The following FER variants were observed in gnomAD, a reference collection of about 807,000 sequenced individuals.
FER encodes the protein FER tyrosine kinase, also known as tyrosine-protein kinase Fer.
A neutral mutation model predicts 111.0 loss-of-function variants in FER; 63 were observed. The observed-to-expected ratio is 0.57, with a 90% confidence interval of 0.46 to 0.70. The LOEUF is 0.70. Ranked by LOEUF, FER falls within the 30% of genes least tolerant of loss-of-function variation. The pLI, the probability that FER is intolerant of heterozygous loss-of-function variation, is 0.00. For synonymous variants in FER, 327 were observed against 313.9 expected, an observed-to-expected ratio of 1.04 and a Z score of -0.44; for missense variants, 914 against 954.0, an observed-to-expected ratio of 0.96 and a Z score of 0.55.
At chr5:108,932,066 A>C (rs1281314727) in intron 10 of FER, among the ~76,000 whole-genome samples, 2 of 151,982 alleles carry the variant, frequency 1.3e-5, no homozygotes, top group Non-Finnish European at 2.9e-5. Context: ...ATACATGTGC[A>C]GAATGTGCAG....
In FER at chr5:108,871,962, A is replaced by G. The variant is rs1377177030; in HGVS notation, c.804-131A>G. On this transcript the variant is annotated intron_variant, in intron 7 of 19. Transcript: ENST00000281092. ...ATTTTGAAACCCAGGATTTAGTTTG[A>G]TTTATACTATTTGTGTTTTCTTTGT... The G allele has an allele frequency of 1.4e-5, 13 of 930,016 alleles. No individual in the cohort carries two copies. In the East Asian group the frequency reaches 3.7e-4, roughly 26 times the overall value. 57.6% of individuals were successfully genotyped at this position (930,016 alleles called of 1,614,324 possible).
At chr5:109,112,896 C>T (rs6861979) in intron 17 of FER, among the ~76,000 whole-genome samples, 4,870 of 152,182 alleles carry the variant, frequency 0.032, 107 homozygotes, top group Middle Eastern at 0.092. Context: ...GAAGAGTAGA[C>T]AGCTTTCTGA....
intron 13 of FER, among the ~76,000 whole-genome samples, chr5:109,004,993 C>G (rs1049946460): frequency 1.3e-5 from 2 of 151,918 alleles, no homozygotes; most frequent in African/African-American, 2.4e-5. Flanking sequence ...AACAAACTGA[C>G]TAGGGATGGC....
rs576876890 is a variant in FER, at chr5:109,092,771, G to A, written c.1925-7625G>A. Among the ~76,000 whole-genome samples, 3 of 152,214 alleles carry A rather than the reference G, an allele frequency of 2.0e-5. No individual in the cohort carries two copies. In the East Asian group the frequency reaches 5.8e-4, roughly 29 times the overall value. ...CCCATTTCTGGATATATATTCAAAA[G>A]AATTGAAAACAAGATTTTGAAAAGA... On this transcript the variant is annotated intron_variant, in intron 16 of 19. Transcript: ENST00000281092.
chr5:109,023,180 G>A (rs1449007270), intron 13 of FER, among the ~76,000 whole-genome samples: 1 of 152,042 alleles, frequency 6.6e-6, no homozygotes, highest in African/African-American at 2.4e-5. Context: ...GTGATGTTTT[G>A]CAAGTAGACC....
intron 3 of FER, among the ~76,000 whole-genome samples, chr5:108,817,160 A>G (rs1464098182): frequency 7.1e-6 from 1 of 140,256 alleles, no homozygotes; most frequent in Non-Finnish European, 1.5e-5. Flanking sequence ...TTCTTATTGC[A>G]GCCAGAGTTG....
Position 108,871,510 on chromosome 5 carries a change from A to G in FER, c.803+8A>G, listed in dbSNP as rs772315154. 3.8e-6 allele frequency: 6 copies of G among 1,589,278 alleles called. No homozygotes were observed. Among genetic ancestry groups the G allele is most frequent in the Admixed American group, 3.4e-5 (2 of 58,364 alleles). ...TTTCATAGATGTTCACAGGTATGACATGTTTATTCCTCTTTAAGGATTTAT... is the reference window on the plus strand; with the variant it reads ...TTTCATAGATGTTCACAGGTATGACGTGTTTATTCCTCTTTAAGGATTTAT... On this transcript the variant is annotated splice_region_variant and intron_variant, in intron 7 of 19. Coordinates refer to ENST00000281092, the MANE Select transcript of FER (RefSeq NM_005246.4).
intron 17 of FER, among the ~76,000 whole-genome samples, chr5:109,150,093 G>A (rs781059063): frequency 2.0e-5 from 3 of 152,092 alleles, no homozygotes; most frequent in Non-Finnish European, 2.9e-5. Context: ...CGCCACCCCT[G>A]TTTGTGGAAA....
intron 8 of FER, among the ~76,000 whole-genome samples, chr5:108,879,872 G>C (rs899484077): frequency 6.6e-6 from 1 of 151,204 alleles, no homozygotes; most frequent in Non-Finnish European, 1.5e-5. Flanking sequence ...ACCACACCCA[G>C]CTAATTTTTG....
At chr5:108,944,917 G>A (rs1756777239) in intron 10 of FER, among the ~76,000 whole-genome samples, 1 of 152,090 alleles carries the variant, frequency 6.6e-6, no homozygotes, top group Non-Finnish European at 1.5e-5. Flanking sequence ...CTTAATATAA[G>A]GGAGCAATTT....
intron 13 of FER, among the ~76,000 whole-genome samples, chr5:108,963,773 T>C (rs1220296306): frequency 2.0e-5 from 3 of 152,192 alleles, no homozygotes; most frequent in South Asian, 2.1e-4. Context: ...GACAGGTTCA[T>C]GGCAGCAACA....
chr5:109,020,088 T>C (rs1767727536), intron 13 of FER, among the ~76,000 whole-genome samples: 1 of 152,004 alleles, frequency 6.6e-6, no homozygotes, highest in African/African-American at 2.4e-5. Context: ...ATTTGACTCT[T>C]AATGATTGGC....
intron 1 of FER, among the ~76,000 whole-genome samples, chr5:108,764,843 A>G (rs1328599564): frequency 6.6e-6 from 1 of 152,224 alleles, no homozygotes; most frequent in Non-Finnish European, 1.5e-5. Context: ...AGAGAAGTAG[A>G]GCCAGGACTA....
intron 17 of FER, among the ~76,000 whole-genome samples, chr5:109,145,138 TTTGCCTAGCAAAGCTC>T (rs1753938256): frequency 6.6e-6 from 1 of 151,988 alleles, no homozygotes; most frequent in African/African-American, 2.4e-5. Flanking sequence ...TATAGAGAGC[TTTGCCTAGCAAAGCTC>T]CCTCTCTCCC....
intron 17 of FER, among the ~76,000 whole-genome samples, chr5:109,146,236 A>T (rs1754118410): frequency 1.1e-5 from 1 of 90,308 alleles, no homozygotes; most frequent in Non-Finnish European, 2.3e-5. Flanking sequence ...TCTATCTAAT[A>T]TATATATAAT....
Position 108,992,590 on chromosome 5 carries a change from G to A in FER, c.1656+33243G>A, listed in dbSNP as rs559041666. ...CCAGTAGGGGTGGCTGGGCAGAGGC[G>A]CCCCTTACCTCCCAGATGGGGCGGC... is the stretch of plus-strand genomic sequence containing the variant. On this transcript the variant is annotated intron_variant, in intron 13 of 19. Transcript: ENST00000281092. Among the ~76,000 whole-genome samples the A allele has an allele frequency of 1.8e-4, 27 of 151,130 alleles. No individual in the cohort carries two copies. The South Asian group carries it at 2.3e-3, about 13-fold the overall frequency.
At chr5:108,845,065 TATACAC>T (rs1561503584) in intron 5 of FER, among the ~76,000 whole-genome samples, 7 of 62,716 alleles carry the variant, frequency 1.1e-4, no homozygotes, top group South Asian at 1.1e-3. Flanking sequence ...TATATATATA[TATACAC>T]ACACACACAC....
intron 17 of FER, among the ~76,000 whole-genome samples, chr5:109,147,330 T>TG (rs1352929965): frequency 4.6e-4 from 70 of 151,826 alleles, no homozygotes; most frequent in Admixed American, 1.3e-4. Flanking sequence ...ATGCCGGCAG[T>TG]GGGGGTGTAA....
chr5:108,797,158 A>G (rs1756122404), intron 2 of FER, among the ~76,000 whole-genome samples: 1 of 151,932 alleles, frequency 6.6e-6, no homozygotes, highest in Admixed American at 6.6e-5. Context: ...TGTGTTTAGA[A>G]ATGTCATTCA....
Sources: gnomAD v4.1 joint callset for allele counts (sites outside exome capture counted in the v4.1 genomes callset) on GRCh38, gnomAD v4.1.1 for gene constraint, MANE v1.5 for transcripts, NCBI Gene and HGNC (gene_info 2026-07-23, HGNC 2026-07-21) for gene names.